Variants in KATNAL2 observed in about 807,000 individuals in gnomAD.
The protein encoded by KATNAL2 is katanin catalytic subunit A1 like 2.
KATNAL2 carries 52 observed loss-of-function variants against 76.3 expected under a neutral mutation model. The ratio of observed to expected loss-of-function variants is 0.68; its 90% CI spans 0.55 to 0.86. The LOEUF (loss-of-function observed/expected upper bound fraction) is 0.86, where lower values mean the gene tolerates loss of function less well. KATNAL2 is among the 40% of genes least tolerant of loss of function. The pLI, the probability that KATNAL2 is intolerant of heterozygous loss-of-function variation, is 0.00. For synonymous variants in KATNAL2, 243 were observed against 244.2 expected (o/e 1.00, Z 0.05); for missense variants, 660 against 668.9 (o/e 0.99, Z 0.15).
chr18:46,946,320 GCA>G lies in KATNAL2; in HGVS notation c.-243_-242del. 1.9e-6 allele frequency: 2 copies of G among 1,038,504 alleles called. No homozygotes were observed. The highest frequency in any genetic ancestry group is 2.3e-6 in the Non-Finnish European group (2 of 859,470). The allele number at this position is 1,038,504 out of a possible 1,614,324, so 64.3% of individuals were successfully genotyped here. The stretch of plus-strand genomic sequence containing the variant: ...GGAGGAGAAGGGGAAGTTTGGTGAT[GCA>G]CAGTTTGCATCCCAGAAGGCTCTTG... On this transcript the variant is annotated 5_prime_UTR_variant, in exon 2 of 18. An upstream open reading frame in the 5' UTR gains an earlier in-frame stop. Coordinates refer to ENST00000683218, the MANE Select transcript of KATNAL2 (RefSeq NM_001387690.1).
intron 1 of KATNAL2, among the ~76,000 whole-genome samples, chr18:46,942,243 G>C (rs953871092): frequency 3.9e-5 from 6 of 152,176 alleles, no homozygotes; most frequent in Admixed American, 3.9e-4. Flanking sequence ...AGTTTCTGCT[G>C]TTACATTACC....
intron 1 of KATNAL2, among the ~76,000 whole-genome samples, chr18:46,925,717 C>A (rs892342022): frequency 1.8e-4 from 27 of 151,838 alleles, no homozygotes; most frequent in Admixed American, 6.6e-4. Flanking sequence ...TGGTCCTGGA[C>A]TTTTTTTTGG....
At chr18:46,935,677 G>A (rs1163394557) in intron 1 of KATNAL2, among the ~76,000 whole-genome samples, 1 of 152,138 alleles carries the variant, frequency 6.6e-6, no homozygotes, top group African/African-American at 2.4e-5. Flanking sequence ...CAGCACTTTG[G>A]GAGGGTGAGG....
At chr18:47,057,494 A>G (rs947501290) in intron 6 of KATNAL2, among the ~76,000 whole-genome samples, 11 of 152,228 alleles carry the variant, frequency 7.2e-5, no homozygotes, top group Admixed American at 3.3e-4. Context: ...CAGTAAATGT[A>G]TATACTCTTG....
intron 3 of KATNAL2, among the ~76,000 whole-genome samples, chr18:47,031,022 C>G (rs1234027353): frequency 5.1e-5 from 2 of 39,506 alleles, no homozygotes; most frequent in Non-Finnish European, 1.4e-4. Flanking sequence ...TCCCCCCCCC[C>G]CCCCCGCCCC....
chr18:46,959,565 G>A (rs1413537769), intron 3 of KATNAL2, among the ~76,000 whole-genome samples: 1 of 152,060 alleles, frequency 6.6e-6, no homozygotes, highest in East Asian at 1.9e-4. Flanking sequence ...TGTTTGTTAG[G>A]TTTTACTTTT....
chr18:47,087,106 G>T (rs2062809090), intron 15 of KATNAL2, among the ~76,000 whole-genome samples: 1 of 152,062 alleles, frequency 6.6e-6, no homozygotes, highest in Admixed American at 6.6e-5. Flanking sequence ...TGGTGAAAAT[G>T]GTTTAGTTAT....
rs1165734563 is a variant in KATNAL2 at position 47,069,534 on chromosome 18, C to T, written c.942C>T (p.Thr314=). The change falls in exon 13 of 18, where the codon ACC becomes ACT. Residue 314 remains threonine (T), a synonymous_variant. Transcript: ENST00000683218. ...CTGTGGCCACTGAATGTAAAACAAC[C>T]TTCTTTAACATTTCTGCATCCACCA... is the stretch of plus-strand genomic sequence containing the variant. ...AKAVATECKT[T]FFNISASTIV... 6.2e-7 allele frequency: 1 copy of T among 1,613,812 alleles called. No homozygotes were observed.
chr18:47,068,475 T>A (rs969536348), intron 11 of KATNAL2, among the ~76,000 whole-genome samples: 14 of 152,210 alleles, frequency 9.2e-5, no homozygotes, highest in Non-Finnish European at 1.5e-4. Context: ...ATAAAACTTT[T>A]AAAAAGGATA....
intron 3 of KATNAL2, among the ~76,000 whole-genome samples, chr18:46,954,304 C>CCTTCTT: frequency 6.7e-6 from 1 of 149,644 alleles, no homozygotes; most frequent in African/African-American, 2.5e-5. Context: ...GTTTTCTTCT[C>CCTTCTT]CTTCTTCTTC....
intron 6 of KATNAL2, among the ~76,000 whole-genome samples, chr18:47,055,687 G>A (rs1021049725): frequency 6.6e-6 from 1 of 152,230 alleles, no homozygotes; most frequent in African/African-American, 2.4e-5. Context: ...AATGATAACT[G>A]CTTGTGCATA....
Position 47,077,426 on chromosome 18 carries a change from T to G in KATNAL2, c.1176T>G (p.Asp392Glu). 1.2e-6 allele frequency: 2 copies of G among 1,613,996 alleles called. No homozygotes were observed. The highest frequency in any genetic ancestry group is 2.2e-5 in the South Asian group (2 of 91,076). The change falls in exon 15 of 18, where the codon GAT (aspartate) becomes GAG (glutamate). Residue 392 changes from aspartate (D) to glutamate (E), a missense_variant. By Grantham distance (45) the Asp-to-Glu change is conservative (BLOSUM62 2). Transcript: ENST00000683218. The stretch of plus-strand genomic sequence containing the variant: ...TGGATGGGCTGGCACGCTCAGAAGA[T>G]CTCGTATTTGTCTTAGCAGCTTCTA... ...VQMDGLARSE[D>E]LVFVLAASNL...
At chr18:47,079,757 T>C (rs1045823551) in intron 15 of KATNAL2, among the ~76,000 whole-genome samples, 7 of 152,178 alleles carry the variant, frequency 4.6e-5, no homozygotes, top group Non-Finnish European at 1.0e-4. Flanking sequence ...TGTGTCCTCA[T>C]GGTAGTAGGG....
intron 15 of KATNAL2, among the ~76,000 whole-genome samples, chr18:47,085,867 C>T (rs1174901135): frequency 6.6e-6 from 1 of 152,096 alleles, no homozygotes; most frequent in African/African-American, 2.4e-5. Flanking sequence ...TTTTGTAAGA[C>T]TGAGGCAGGA....
intron 14 of KATNAL2, 52 bp from the exon 15 acceptor site, chr18:47,077,299 A>C: frequency 1.5e-6 from 2 of 1,378,634 alleles, no homozygotes; most frequent in Admixed American, 3.4e-5. Context: ...TGCTCTTGTC[A>C]TGAGGGCGAA....
At chr18:46,924,429 G>A (rs997397640) in intron 1 of KATNAL2, among the ~76,000 whole-genome samples, 1 of 152,068 alleles carries the variant, frequency 6.6e-6, no homozygotes, top group African/African-American at 2.4e-5. Context: ...TGTTACATTG[G>A]TCTATATCTC....
intron 1 of KATNAL2, among the ~76,000 whole-genome samples, chr18:46,926,739 A>T (rs11872839): frequency 0.56 from 85,080 of 151,704 alleles, 24,461 homozygotes; most frequent in African/African-American, 0.68. Context: ...TGTAGGTCAC[A>T]AAGGACTTGC....
At chr18:46,943,608 C>G (rs2146643155) in intron 1 of KATNAL2, among the ~76,000 whole-genome samples, 1 of 152,342 alleles carries the variant, frequency 6.6e-6, no homozygotes, top group Non-Finnish European at 1.5e-5. Context: ...CCCTGTTTAG[C>G]ATATCATCAA....
chr18:46,946,707 T>G, intron 2 of KATNAL2, 147 bp from the exon 3 acceptor site: 1 of 1,065,182 alleles, frequency 9.4e-7, no homozygotes. Context: ...TAACATTGAT[T>G]GGCATGTTAA....
Sources: allele counts gnomAD v4.1 joint callset (sites outside exome capture counted in the v4.1 genomes callset), GRCh38; gene constraint gnomAD v4.1.1; transcripts MANE v1.5; gene names NCBI Gene and HGNC (gene_info 2026-07-23, HGNC 2026-07-21).